The following DIPK2A variants were observed in gnomAD, a reference collection of about 807,000 sequenced individuals.
DIPK2A encodes the protein divergent protein kinase domain 2A.
A neutral mutation model predicts 39.0 loss-of-function variants in DIPK2A; 27 were observed. The ratio of observed to expected loss-of-function variants is 0.69; its 90% CI spans 0.51 to 0.96. DIPK2A has a LOEUF of 0.96. Among genes scored for constraint, DIPK2A ranks in the 40% least tolerant of loss-of-function variants. DIPK2A has a pLI of 0.00. For missense variants in DIPK2A, 528 were observed against 571.3 expected, an observed-to-expected ratio of 0.92 and a Z score of 0.77; for synonymous variants, 298 against 240.8, an observed-to-expected ratio of 1.24 and a Z score of -2.20.
intron 2 of DIPK2A, among the ~76,000 whole-genome samples, chr3:143,989,249 A>G (rs2087947194): frequency 6.6e-6 from 1 of 152,106 alleles, no homozygotes; most frequent in African/African-American, 2.4e-5. Flanking sequence ...ATATTTCTTT[A>G]TGGCACTTTC....
intron 2 of DIPK2A, among the ~76,000 whole-genome samples, chr3:143,986,722 CAA>C (rs11293429): frequency 2.1e-4 from 14 of 67,040 alleles, no homozygotes; most frequent in African/African-American, 4.0e-4. Context: ...GACTCCGTCT[CAA>C]AAAAAAAAAA....
chr3:143,987,611 C>T (rs963297607), intron 2 of DIPK2A, among the ~76,000 whole-genome samples: 4 of 152,266 alleles, frequency 2.6e-5, no homozygotes, highest in Non-Finnish European at 2.9e-5. Flanking sequence ...TCATCTAAAC[C>T]TCATTAAAAC....
chr3:143,972,669 G>A lies in DIPK2A; in HGVS notation c.337G>A (p.Gly113Ser), dbSNP rs1559851805. 1.2e-6 allele frequency: 2 copies of A among 1,609,106 alleles called. No individual in the cohort carries two copies. Among genetic ancestry groups the A allele is most frequent in the Non-Finnish European group, 1.7e-6 (2 of 1,178,166 alleles). Residue 113 changes from glycine (G) to serine (S), a missense_variant, in exon 1 of 3, where the codon GGC becomes AGC. This residue lies in a region of DIPK2A where 309 missense variants were observed against 289.8 expected (regional missense o/e 1.07). Coordinates refer to ENST00000315691, the MANE Select transcript of DIPK2A (RefSeq NM_173552.5). ...CCGCCGAGTGGTGCTCAAGCGCCTC[G>A]GCTCGCAGCGCGAGCTGGCGCAGCT... ...GRRRVVLKRL[G>S]SQRELAQLDQ... is the part of the protein sequence containing the mutation.
At chr3:143,986,017 C>G in intron 2 of DIPK2A, 171 bp downstream of exon 2, 1 of 587,498 alleles carries the variant, frequency 1.7e-6, no homozygotes, top group Non-Finnish European at 3.0e-6. Context: ...CTTTGACTTA[C>G]TGGGGGTTAC....
chr3:143,982,182 A>C (rs1269939891), intron 1 of DIPK2A, among the ~76,000 whole-genome samples: 1 of 152,158 alleles, frequency 6.6e-6, no homozygotes, highest in Admixed American at 6.5e-5. Flanking sequence ...ACTAGTCTAT[A>C]TATTTCATTA....
At chr3:143,988,497 A>C (rs1057013950) in intron 2 of DIPK2A, among the ~76,000 whole-genome samples, 17 of 152,130 alleles carry the variant, frequency 1.1e-4, no homozygotes, top group Non-Finnish European at 1.8e-4. Context: ...TTCCTGAATG[A>C]ATCGGCCCAC....
At chr3:143,980,581 T>C (rs2087813972) in intron 1 of DIPK2A, among the ~76,000 whole-genome samples, 1 of 152,190 alleles carries the variant, frequency 6.6e-6, no homozygotes, top group African/African-American at 2.4e-5. Context: ...TTAAGCATTT[T>C]CTATGCTTTT....
intron 1 of DIPK2A, chr3:143,973,619 G>T: frequency 7.3e-7 from 1 of 1,377,306 alleles, no homozygotes; most frequent in Non-Finnish European, 1.0e-6. Flanking sequence ...AACAGGAAAA[G>T]TAAGGCAGCG....
intron 2 of DIPK2A, among the ~76,000 whole-genome samples, chr3:143,988,088 CCCTCTTCTGAT>C (rs560937529): frequency 4.9e-4 from 75 of 151,798 alleles, no homozygotes; most frequent in Non-Finnish European, 9.4e-4. Context: ...TGTGACTTGG[CCCTCTTCTGAT>C]CCTTTTTTTT....
chr3:143,983,265 A>G (rs1033197238), intron 1 of DIPK2A, among the ~76,000 whole-genome samples: 1 of 152,204 alleles, frequency 6.6e-6, no homozygotes, highest in African/African-American at 2.4e-5. Context: ...AATCAACAGA[A>G]TACACATTCT....
At position 143,973,077 on chromosome 3, in the gene DIPK2A, C is replaced by T. The variant is rs144440458; in HGVS notation, c.657+88C>T. On this transcript the variant is annotated intron_variant, in intron 1 of 2. Transcript: ENST00000315691. ...GAGAAGTGGCTCAGCCAGCGCTTGC[C>T]GCCAGTTCGGACTCGGCCGGGCTGG... is the stretch of plus-strand genomic sequence containing the variant. 4.1e-4 allele frequency: 596 copies of T among 1,469,010 alleles called. 1 individual carries two copies. In the African/African-American group the frequency reaches 6.7e-3, roughly 16 times the overall value. 91.0% of individuals were successfully genotyped at this position (1,469,010 alleles called of 1,614,324 possible).
Position 143,989,566 on chromosome 3 carries a change from G to A in DIPK2A, c.1018G>A (p.Glu340Lys). 1 of 1,614,138 alleles carries A rather than the reference G, an allele frequency of 6.2e-7. No homozygotes were observed. The highest frequency in any genetic ancestry group is 8.5e-7 in the Non-Finnish European group (1 of 1,179,988). ...YESKFDDCDK[E>K]ACLSFSKEIL... ...AAGCAAGTTTGATGACTGTGATAAG[G>A]AGGCTTGCTTATCATTTTCAAAAGA... Residue 340 changes from glutamate to lysine, a missense_variant, in exon 3 of 3, where the codon GAG (glutamate) becomes AAG (lysine). By Grantham distance (56) the Glu-to-Lys change is moderately conservative (BLOSUM62 1). Around this residue, in one of 2 missense-constraint regions of DIPK2A, gnomAD observed 219 missense variants for 281.5 expected, o/e 0.78. Transcript: ENST00000315691.
intron 1 of DIPK2A, among the ~76,000 whole-genome samples, chr3:143,977,203 G>C (rs912190355): frequency 3.3e-5 from 5 of 152,000 alleles, no homozygotes; most frequent in Non-Finnish European, 7.4e-5. Flanking sequence ...CGGTACTTTA[G>C]AAAAGTTGAT....
At chr3:143,975,969 G>A (rs1023983333) in intron 1 of DIPK2A, among the ~76,000 whole-genome samples, 1 of 151,896 alleles carries the variant, frequency 6.6e-6, no homozygotes, top group Non-Finnish European at 1.5e-5. Flanking sequence ...AAATACTTAC[G>A]AATTTAATCC....
rs952329359 is a variant in DIPK2A at position 143,991,608 on chromosome 3, A to G, written c.*1767A>G. The G allele has an allele frequency of 1.3e-5, 2 of 152,630 alleles. No homozygotes were observed. Among genetic ancestry groups the G allele is most frequent in the African/African-American group, 4.8e-5 (2 of 41,462 alleles). 9.5% of individuals were successfully genotyped at this position (152,630 alleles called of 1,614,324 possible). On this transcript the variant is annotated 3_prime_UTR_variant, in exon 3 of 3. Coordinates refer to ENST00000315691, the MANE Select transcript of DIPK2A (RefSeq NM_173552.5). ...GAGCTCTCCATTATAAAATAGTTGCATTCGGTTAATTTTTACACATTAGTG... is the reference window on the plus strand; with the variant it reads ...GAGCTCTCCATTATAAAATAGTTGCGTTCGGTTAATTTTTACACATTAGTG...
rs1382150859 is a variant in DIPK2A, at chr3:143,985,671, C to A, written c.786C>A (p.Asp262Glu). Reference sequence around the variant, plus strand: ...ATGCGCCATGGGAAAAACGAGTTGACCTCGCTTGGCAATTAATGGAAATAG... The same window carrying A: ...ATGCGCCATGGGAAAAACGAGTTGAACTCGCTTGGCAATTAATGGAAATAG... ...YFNAPWEKRV[D>E]LAWQLMEIAE... The change falls in exon 2 of 3, where the codon GAC becomes GAA. Residue 262 changes from aspartate to glutamate, a missense_variant. Transcript: ENST00000315691. The A allele has an allele frequency of 2.5e-6, 4 of 1,613,952 alleles. No homozygotes were observed. In the African/African-American group the frequency reaches 4.0e-5, roughly 16 times the overall value.
At chr3:143,986,506 C>T (rs1425496098) in intron 2 of DIPK2A, among the ~76,000 whole-genome samples, 1 of 152,016 alleles carries the variant, frequency 6.6e-6, no homozygotes. Context: ...GGGCGGATCA[C>T]GAGGTCAGGA....
chr3:143,986,378 A>G (rs977936114), intron 2 of DIPK2A, among the ~76,000 whole-genome samples: 5 of 152,162 alleles, frequency 3.3e-5, no homozygotes, highest in African/African-American at 4.8e-5. Flanking sequence ...TTTGCTCTCC[A>G]TTTACTTTTG....
At chr3:143,985,443 A>T in intron 1 of DIPK2A, 100 bp from the exon 2 acceptor site, 1 of 1,044,956 alleles carries the variant, frequency 9.6e-7, no homozygotes, top group South Asian at 1.6e-5. Flanking sequence ...AAGAAAATCC[A>T]AAGTCATTCC....
Sources: gnomAD v4.1 joint callset for allele counts (sites outside exome capture counted in the v4.1 genomes callset) on GRCh38, gnomAD v4.1.1 for gene constraint, gnomAD v4.1.1 regional missense constraint, MANE v1.5 for transcripts, NCBI Gene and HGNC (gene_info 2026-07-23, HGNC 2026-07-21) for gene names.